Variants in MEGF11 observed in about 807,000 individuals in gnomAD.
The protein encoded by MEGF11 is multiple epidermal growth factor-like domains protein 11.
Under a neutral mutation model 146.6 loss-of-function variants are expected in MEGF11, and 126 were observed. The ratio of observed to expected loss-of-function variants is 0.86; its 90% CI spans 0.74 to 1.00. MEGF11 has a LOEUF of 1.00. MEGF11 is among the 50% of genes least tolerant of loss of function. The pLI is 0.00. For synonymous variants in MEGF11, 532 were observed against 583.4 expected (o/e 0.91, Z 1.27); for missense variants, 1,509 against 1,521.2 (o/e 0.99, Z 0.13).
intron 5 of MEGF11, among the ~76,000 whole-genome samples, chr15:66,047,741 G>A (rs2084270676): frequency 1.3e-5 from 2 of 152,216 alleles, no homozygotes; most frequent in South Asian, 2.1e-4. Flanking sequence ...TGGGCCTGGG[G>A]GAGTCTGGGC....
intron 1 of MEGF11, among the ~76,000 whole-genome samples, chr15:66,154,250 G>T (rs1005793560): frequency 5.9e-5 from 9 of 152,110 alleles, no homozygotes; most frequent in Non-Finnish European, 1.3e-4. Flanking sequence ...CACATCAGTA[G>T]TTTAACACCT....
chr15:65,916,638 C>A lies in MEGF11; in HGVS notation c.2215+190G>T, dbSNP rs1166728380. 5 of 1,040,130 alleles carry A rather than the reference C, an allele frequency of 4.8e-6. No homozygotes were observed. In the Admixed American group the frequency reaches 1.0e-4, roughly 21 times the overall value. The allele number at this position is 1,040,130 out of a possible 1,614,324, so 64.4% of individuals were successfully genotyped here. A position where few individuals can be genotyped will look rare whatever the true frequency, so the allele number is the denominator to read the frequency against. ...TTCCAGGACTTTGGGCTTGTCAATC[C>A]CCTGAATCCAGTCAGGTCTGGAGCT... On this transcript the variant is annotated intron_variant, in intron 17 of 25. Transcript: ENST00000395614.
At chr15:65,963,702 C>T (rs2080953268) in intron 9 of MEGF11, among the ~76,000 whole-genome samples, 1 of 152,220 alleles carries the variant, frequency 6.6e-6, no homozygotes, top group Non-Finnish European at 1.5e-5. Flanking sequence ...CATGGACAGG[C>T]CAGCTCCACT....
intron 17 of MEGF11, 59 bp from the exon 18 acceptor site, chr15:65,916,335 G>A: frequency 6.6e-7 from 1 of 1,516,926 alleles, no homozygotes. Context: ...AAGGGGGACA[G>A]CAGGAACCAG....
chr15:65,977,411 A>G (rs1424158128), intron 7 of MEGF11, among the ~76,000 whole-genome samples: 3 of 151,350 alleles, frequency 2.0e-5, no homozygotes, highest in Non-Finnish European at 2.9e-5. Flanking sequence ...GTGGGGCTCC[A>G]TGAATCTTCC....
chr15:66,233,425 AG>A (rs1193985708), intron 1 of MEGF11, among the ~76,000 whole-genome samples: 1 of 152,106 alleles, frequency 6.6e-6, no homozygotes, highest in Non-Finnish European at 1.5e-5. Context: ...TAGTAGAGAC[AG>A]GATTTCACTA....
chr15:66,181,884 T>C (rs1296383791), intron 1 of MEGF11, among the ~76,000 whole-genome samples: 2 of 152,186 alleles, frequency 1.3e-5, no homozygotes, highest in African/African-American at 2.4e-5. Context: ...AATACTAATC[T>C]GTTTGCTCCT....
chr15:66,193,018 G>A (rs1226123234), intron 1 of MEGF11, among the ~76,000 whole-genome samples: 1 of 152,168 alleles, frequency 6.6e-6, no homozygotes, highest in African/African-American at 2.4e-5. Context: ...AATATTCACT[G>A]GAATGAACCA....
At chr15:66,109,060 G>C (rs545180934) in intron 4 of MEGF11, among the ~76,000 whole-genome samples, 1 of 152,294 alleles carries the variant, frequency 6.6e-6, no homozygotes, top group South Asian at 2.1e-4. Flanking sequence ...CAGCACGAGG[G>C]GCCCTGCTGG....
chr15:66,023,769 A>G (rs1389634305), intron 5 of MEGF11, among the ~76,000 whole-genome samples: 1 of 152,226 alleles, frequency 6.6e-6, no homozygotes, highest in Non-Finnish European at 1.5e-5. Flanking sequence ...CCAGTTGCTC[A>G]GACCAAATGT....
intron 5 of MEGF11, among the ~76,000 whole-genome samples, chr15:66,050,655 C>G (rs547031768): frequency 6.6e-6 from 1 of 152,218 alleles, no homozygotes; most frequent in Non-Finnish European, 1.5e-5. Context: ...AAAAGGCCCA[C>G]TCTGACAGCT....
At position 65,906,175 on chromosome 15, in the gene MEGF11, T is replaced by C. The variant is rs376434873; in HGVS notation, c.2999-34A>G. On this transcript the variant is annotated intron_variant, in intron 23 of 25. Transcript: ENST00000395614. Reference sequence around the variant, plus strand: ...AAATAACATGTAAGGAAAGAAAATATGGGGGTGAGGTTTACTTAGACTGCT... The same window carrying C: ...AAATAACATGTAAGGAAAGAAAATACGGGGGTGAGGTTTACTTAGACTGCT... The C allele has an allele frequency of 9.0e-6, 14 of 1,549,056 alleles. No homozygotes were observed. In the African/African-American group the frequency reaches 1.8e-4, roughly 20 times the overall value.
At chr15:66,112,353 A>G (rs866489244) in intron 4 of MEGF11, among the ~76,000 whole-genome samples, 1 of 152,248 alleles carries the variant, frequency 6.6e-6, no homozygotes, top group African/African-American at 2.4e-5. Flanking sequence ...AAATGAAAAA[A>G]GAAACTGAAA....
intron 5 of MEGF11, among the ~76,000 whole-genome samples, chr15:66,027,376 C>G (rs1448930706): frequency 6.6e-6 from 1 of 152,258 alleles, no homozygotes; most frequent in African/African-American, 2.4e-5. Context: ...CCACGTCAAG[C>G]TGAACCCACT....
chr15:66,029,208 T>C (rs973573325), intron 5 of MEGF11, among the ~76,000 whole-genome samples: 25 of 152,152 alleles, frequency 1.6e-4, no homozygotes, highest in African/African-American at 5.8e-4. Context: ...GGGGAGAGGT[T>C]AGATTTTCTC....
At chr15:65,926,652 G>A (rs1249530126) in intron 13 of MEGF11, among the ~76,000 whole-genome samples, 2 of 152,184 alleles carry the variant, frequency 1.3e-5, no homozygotes, top group East Asian at 3.8e-4. Context: ...GCCCCCTTCT[G>A]CATGACAAAC....
At chr15:66,210,404 C>A (rs2091414396) in intron 1 of MEGF11, among the ~76,000 whole-genome samples, 1 of 152,140 alleles carries the variant, frequency 6.6e-6, no homozygotes, top group South Asian at 2.1e-4. Flanking sequence ...CTAGTCCCAG[C>A]CTTGCCTGGG....
intron 1 of MEGF11, among the ~76,000 whole-genome samples, chr15:66,164,480 G>A (rs2090044416): frequency 1.3e-5 from 2 of 152,172 alleles, no homozygotes; most frequent in Non-Finnish European, 2.9e-5. Context: ...TCCCTGACTT[G>A]CCATGGACCC....
intron 1 of MEGF11, among the ~76,000 whole-genome samples, chr15:66,231,000 A>T (rs1426904642): frequency 2.0e-5 from 3 of 152,238 alleles, no homozygotes; most frequent in Non-Finnish European, 4.4e-5. Context: ...TGGGTCCCAC[A>T]ACACCACTTC....
Sources: gnomAD v4.1 joint callset for allele counts (sites outside exome capture counted in the v4.1 genomes callset) on GRCh38, gnomAD v4.1.1 for gene constraint, MANE v1.5 for transcripts, NCBI Gene and HGNC (gene_info 2026-07-23, HGNC 2026-07-21) for gene names.